UGGT1: variants seen among roughly 807,000 people sequenced by gnomAD.
UGGT1 encodes UDP-glucose glycoprotein glucosyltransferase 1.
UGGT1 carries 107 observed loss-of-function variants against 203.9 expected under a neutral mutation model. The observed-to-expected ratio is 0.52, with a 90% CI of 0.45 to 0.62. The LOEUF (loss-of-function observed/expected upper bound fraction) is 0.62. UGGT1 is among the 20% of genes least tolerant of loss of function. The pLI is 0.00. For synonymous variants in UGGT1, 628 were observed against 653.5 expected (o/e 0.96, Z 0.59); for missense variants, 1,673 against 1,867.2 (o/e 0.90, Z 1.92).
chr2:128,127,329 A>G (rs1441128190), intron 11 of UGGT1, 32 bp from the exon 12 acceptor site: 1 of 1,501,538 alleles, frequency 6.7e-7, no homozygotes, highest in African/African-American at 1.4e-5. Context: ...ACATTCTCTC[A>G]CAGCTCCCTA....
At chr2:128,151,270 T>C in intron 18 of UGGT1, 1 of 595,000 alleles carries the variant, frequency 1.7e-6, no homozygotes. Flanking sequence ...ACCTTCCTCG[T>C]CCATCTCCTT....
intron 23 of UGGT1, among the ~76,000 whole-genome samples, chr2:128,160,033 T>C (rs994808131): frequency 2.0e-5 from 3 of 152,224 alleles, no homozygotes. Context: ...TCAAGGCTTA[T>C]ATGTTCTTGA....
chr2:128,183,177 G>A (rs1182960588), intron 37 of UGGT1, among the ~76,000 whole-genome samples: 3 of 152,180 alleles, frequency 2.0e-5, no homozygotes, highest in East Asian at 1.9e-4. Context: ...TCTTCTCTGC[G>A]AGAAGTGTGA....
At chr2:128,184,530 A>T (rs1441555726) in intron 38 of UGGT1, among the ~76,000 whole-genome samples, 1 of 152,144 alleles carries the variant, frequency 6.6e-6, no homozygotes, top group East Asian at 1.9e-4. Context: ...TTCCTCCCTA[A>T]CAAAAGTGTC....
chr2:128,102,129 A>G (rs1430231532), intron 2 of UGGT1, among the ~76,000 whole-genome samples: 1 of 151,534 alleles, frequency 6.6e-6, no homozygotes. Context: ...GACATCATAT[A>G]GTTTGTAAAA....
chr2:128,176,140 G>C (rs1691359131), intron 31 of UGGT1, among the ~76,000 whole-genome samples: 1 of 152,180 alleles, frequency 6.6e-6, no homozygotes, highest in African/African-American at 2.4e-5. Flanking sequence ...GGAGTGATGG[G>C]TGATGGCTCA....
intron 22 of UGGT1, among the ~76,000 whole-genome samples, chr2:128,157,924 G>C (rs996747763): frequency 1.3e-5 from 2 of 152,182 alleles, no homozygotes; most frequent in African/African-American, 2.4e-5. Context: ...TTCCTGGGCT[G>C]TTTCAGTTTG....
chr2:128,100,033 CTACTTATT>C (rs1687303300), intron 2 of UGGT1, among the ~76,000 whole-genome samples: 1 of 71,778 alleles, frequency 1.4e-5, no homozygotes. Context: ...CCCCCCCACC[CTACTTATT>C]TTTTTTGAGA....
At chr2:128,146,538 CAA>C (rs969147939) in intron 18 of UGGT1, among the ~76,000 whole-genome samples, 3 of 146,174 alleles carry the variant, frequency 2.1e-5, no homozygotes, top group South Asian at 2.2e-4. Context: ...TGGAGAGACT[CAA>C]TATTATTTTT....
intron 11 of UGGT1, among the ~76,000 whole-genome samples, chr2:128,127,030 C>T (rs756832813): frequency 5.9e-5 from 9 of 152,082 alleles, no homozygotes; most frequent in Non-Finnish European, 1.2e-4. Flanking sequence ...ACTCAGCCAG[C>T]GAGTGAGTAG....
chr2:128,147,136 C>T (rs907811077), intron 18 of UGGT1, among the ~76,000 whole-genome samples: 1 of 152,230 alleles, frequency 6.6e-6, no homozygotes, highest in Non-Finnish European at 1.5e-5. Context: ...TCTCTTCCCT[C>T]CTCTCATTCT....
At chr2:128,095,533 G>A (rs1422510429) in intron 1 of UGGT1, among the ~76,000 whole-genome samples, 1 of 148,804 alleles carries the variant, frequency 6.7e-6, no homozygotes, top group South Asian at 2.2e-4. Context: ...CTCCTGTCCC[G>A]TAACTCCTCC....
Position 128,129,161 on chromosome 2 carries a change from C to G in UGGT1, c.1359C>G (p.Ile453Met). ...CTGAGGCAGACTATGCCGTAGACAT[C>G]CGGAGTCCTGCTATTTCAGTGAGTA... ...QPSEADYAVD[I>M]RSPAISWVNN... Residue 453 changes from isoleucine to methionine, a missense_variant, in exon 13 of 41, where the codon ATC (isoleucine) becomes ATG (methionine). Transcript: ENST00000259253. The G allele has an allele frequency of 6.2e-7, 1 of 1,610,536 alleles. No individual in the cohort carries two copies. Among genetic ancestry groups the G allele is most frequent in the Non-Finnish European group, 8.5e-7 (1 of 1,179,210 alleles).
chr2:128,128,082 AAAAAC>A (rs1486984806), intron 12 of UGGT1, among the ~76,000 whole-genome samples: 2 of 152,090 alleles, frequency 1.3e-5, no homozygotes, highest in African/African-American at 4.8e-5. Context: ...TCAAAAAACA[AAAAAC>A]AAAAAAAAAC....
intron 9 of UGGT1, 112 bp from the exon 10 acceptor site, chr2:128,121,087 C>G (rs560169924): frequency 2.0e-6 from 2 of 992,628 alleles, no homozygotes; most frequent in Admixed American, 3.9e-5. Context: ...TGGTTGCATT[C>G]GAAGATATTC....
chr2:128,091,573 G>A, intron 1 of UGGT1, 158 bp downstream of exon 1: 1 of 1,442,150 alleles, frequency 6.9e-7, no homozygotes, highest in South Asian at 1.5e-5. Context: ...GCCCCGAGTT[G>A]CCCTCAGTGG....
At chr2:128,136,350 C>A (rs1485334130) in intron 15 of UGGT1, among the ~76,000 whole-genome samples, 1 of 152,202 alleles carries the variant, frequency 6.6e-6, no homozygotes, top group Admixed American at 6.5e-5. Flanking sequence ...TAAAAATCTC[C>A]TGTGCTTCAC....
chr2:128,115,129 C>T lies in UGGT1; in HGVS notation c.702C>T (p.Pro234=). ...AATTCTTGCTTTACTTGCAGAATCC[C>T]AGGAAGGAGCCTGTTTACCTCTCTG... ...NYVFRHYIFN[P]RKEPVYLSGY... Residue 234 remains proline, a synonymous_variant, in exon 7 of 41, where the codon CCC becomes CCT. Coordinates refer to ENST00000259253, the MANE Select transcript of UGGT1 (RefSeq NM_020120.4). 1 of 1,613,890 alleles carries T rather than the reference C, an allele frequency of 6.2e-7. No individual in the cohort carries two copies. Among genetic ancestry groups the T allele is most frequent in the Non-Finnish European group, 8.5e-7 (1 of 1,179,872 alleles).
At chr2:128,141,849 A>G (rs1160955586) in intron 16 of UGGT1, among the ~76,000 whole-genome samples, 1 of 151,948 alleles carries the variant, frequency 6.6e-6, no homozygotes, top group Non-Finnish European at 1.5e-5. Flanking sequence ...ACTGGAGTCA[A>G]TTTAGATTTC....
Sources: allele counts gnomAD v4.1 joint callset (sites outside exome capture counted in the v4.1 genomes callset), GRCh38; gene constraint gnomAD v4.1.1; transcripts MANE v1.5; gene names NCBI Gene and HGNC (gene_info 2026-07-23, HGNC 2026-07-21).